Variants in SFI1 observed in about 807,000 individuals in gnomAD.
SFI1 encodes SFI1 centrin binding protein.
In SFI1, 195 loss-of-function variants were observed where a neutral mutation model predicts 207.5. That is an observed-to-expected ratio of 0.94 (90% CI 0.84 to 1.06). The LOEUF is 1.06. Among genes scored for constraint, SFI1 ranks in the 50% least tolerant of loss-of-function variants. SFI1 has a pLI of 0.00. For missense variants in SFI1, 1,634 were observed against 1,588.0 expected (o/e 1.03, Z -0.49); for synonymous variants, 630 against 598.9 (o/e 1.05, Z -0.76).
At chr22:31,615,393 C>T in intron 29 of SFI1, 114 bp downstream of exon 29, 1 of 994,820 alleles carries the variant, frequency 1.0e-6, no homozygotes, top group Non-Finnish European at 1.4e-6. Flanking sequence ...ACAGGGAGGC[C>T]ACTCATCCAT....
At chr22:31,570,575 C>A (rs541173797) in intron 8 of SFI1, among the ~76,000 whole-genome samples, 1 of 152,084 alleles carries the variant, frequency 6.6e-6, no homozygotes, top group Non-Finnish European at 1.5e-5. Flanking sequence ...TTGGGAAATT[C>A]AGGAGTTCTT....
intron 24 of SFI1, chr22:31,612,410 T>A (rs1203585555): frequency 1.5e-4 from 19 of 127,082 alleles, no homozygotes; most frequent in African/African-American, 1.8e-4. Flanking sequence ...TATATATATA[T>A]ATATATATAT....
chr22:31,581,967 TAAGAA>T (rs1334904880), intron 12 of SFI1, among the ~76,000 whole-genome samples: 1 of 151,686 alleles, frequency 6.6e-6, no homozygotes, highest in Non-Finnish European at 1.5e-5. Flanking sequence ...TTATCATCCC[TAAGAA>T]AAGTAACAGT....
rs2065135339 is a variant in SFI1, at chr22:31,587,230, GTATTGGGTATTAT to G, written c.1413+2097_1413+2109del. On this transcript the variant is annotated intron_variant, in intron 14 of 32. Coordinates refer to ENST00000400288, the MANE Select transcript of SFI1 (RefSeq NM_001007467.3). ...CAACTATGTACATAGCATTGACATT[GTATTGGGTATTAT>G]GAGTAATCTAGAGATGCATACAGGA... The G allele has an allele frequency of 2.2e-5, 5 of 228,246 alleles. No homozygotes were observed. The South Asian group carries it at 2.7e-4, about 12-fold the overall frequency. 14.1% of individuals were successfully genotyped at this position (228,246 alleles called of 1,614,324 possible).
chr22:31,602,136 A>T, intron 15 of SFI1, 76 bp from the exon 16 acceptor site: 1 of 1,269,990 alleles, frequency 7.9e-7, no homozygotes, highest in African/African-American at 1.5e-5. Flanking sequence ...AAATCCAATT[A>T]TTTGGAACTT....
intron 2 of SFI1, 96 bp from the exon 3 acceptor site, chr22:31,528,594 C>T: frequency 9.0e-7 from 1 of 1,106,382 alleles, no homozygotes; most frequent in Non-Finnish European, 1.3e-6. Context: ...TCTCAATGAG[C>T]TTATCTGTTT....
chr22:31,613,079 C>T, intron 24 of SFI1, 63 bp from the exon 25 acceptor site: 1 of 1,558,642 alleles, frequency 6.4e-7, no homozygotes. Context: ...GGGCAGGGCC[C>T]CGTGATCACC....
chr22:31,585,541 G>A (rs537845475), intron 14 of SFI1, among the ~76,000 whole-genome samples: 11 of 152,204 alleles, frequency 7.2e-5, no homozygotes, highest in Non-Finnish European at 1.5e-4. Context: ...AGGATGTGAG[G>A]TCAGGACCAC....
rs1189767324 is a variant in SFI1, at chr22:31,546,876, GCGATTA to G, written c.356_361del (p.Arg119_Leu120del). The G allele has an allele frequency of 6.2e-7, 1 of 1,606,900 alleles. No homozygotes were observed. On this transcript the variant is annotated inframe_deletion, in exon 5 of 33. Transcript: ENST00000400288. ...TTTGCCGTAGATTTTACTATGAGCA[GCGATTA>G]CTACGGAAGGTCTTCGAAGAATGGA...
chr22:31,593,150 C>A (rs989579091), intron 15 of SFI1, among the ~76,000 whole-genome samples: 1 of 150,616 alleles, frequency 6.6e-6, no homozygotes, highest in Non-Finnish European at 1.5e-5. Context: ...CCCCCACCTC[C>A]TTCCCGGACG....
chr22:31,524,698 A>ATT (rs59764922), intron 2 of SFI1, among the ~76,000 whole-genome samples: 43 of 137,500 alleles, frequency 3.1e-4, no homozygotes, highest in African/African-American at 1.0e-3. Context: ...TTTTAATTGG[A>ATT]TTTTTTTTTT....
At chr22:31,575,117 TGTGTGG>T in intron 9 of SFI1, 108 bp from the exon 10 acceptor site, 1 of 607,514 alleles carries the variant, frequency 1.6e-6, no homozygotes, top group South Asian at 2.2e-5. Flanking sequence ...TGTGTGTGTG[TGTGTGG>T]CCTTGAACCC....
chr22:31,497,624 GGAA>G (rs1200667742), intron 1 of SFI1, among the ~76,000 whole-genome samples: 1 of 152,114 alleles, frequency 6.6e-6, no homozygotes, highest in Admixed American at 6.6e-5. Flanking sequence ...TTCAGTGAAA[GGAA>G]GAGTTCCATG....
At chr22:31,516,383 T>C (rs1007676675) in intron 2 of SFI1, among the ~76,000 whole-genome samples, 8 of 151,116 alleles carry the variant, frequency 5.3e-5, no homozygotes, top group African/African-American at 1.9e-4. Context: ...TATTGTGGTG[T>C]GTGCCTGTAG....
In SFI1 at chr22:31,575,282, A is replaced by T; in HGVS notation, c.974A>T (p.Asp325Val). 6.2e-7 allele frequency: 1 copy of T among 1,613,002 alleles called. No individual in the cohort carries two copies. Among genetic ancestry groups the T allele is most frequent in the Non-Finnish European group, 8.5e-7 (1 of 1,179,610 alleles). ...ACTGTGCTCCAGATATACTTCTGTG[A>T]CTGGCAGCAGGCCTGGGAGCGGAGG... is the stretch of plus-strand genomic sequence containing the variant. ...HVTVLQIYFC[D>V]WQQAWERRES... is the part of the protein sequence containing the mutation. Residue 325 changes from aspartate to valine, a missense_variant, in exon 10 of 33, where the codon GAC becomes GTC. Asp to Val is a radical substitution (Grantham distance 152). Transcript: ENST00000400288.
chr22:31,572,389 A>AT (rs2063042315), intron 8 of SFI1, among the ~76,000 whole-genome samples: 1 of 152,186 alleles, frequency 6.6e-6, no homozygotes, highest in Non-Finnish European at 1.5e-5. Context: ...TCTGCCTGAA[A>AT]AAGGACTACT....
intron 15 of SFI1, among the ~76,000 whole-genome samples, chr22:31,597,445 T>C (rs1199336196): frequency 6.6e-6 from 1 of 152,174 alleles, no homozygotes; most frequent in Non-Finnish European, 1.5e-5. Flanking sequence ...AGAGTCTGGC[T>C]TAGAAGCTGG....
intron 4 of SFI1, among the ~76,000 whole-genome samples, chr22:31,531,683 C>T (rs1378650034): frequency 1.3e-5 from 2 of 151,966 alleles, no homozygotes; most frequent in African/African-American, 4.8e-5. Flanking sequence ...CACCTGACAT[C>T]GGGAGTTTGA....
chr22:31,564,096 G>A (rs2062005500), intron 8 of SFI1, among the ~76,000 whole-genome samples: 1 of 151,908 alleles, frequency 6.6e-6, no homozygotes, highest in African/African-American at 2.4e-5. Flanking sequence ...GGGAGGCTGA[G>A]GTGGGCGGAT....
Sources: allele counts gnomAD v4.1 joint callset (sites outside exome capture counted in the v4.1 genomes callset), GRCh38; gene constraint gnomAD v4.1.1; transcripts MANE v1.5; gene names NCBI Gene and HGNC (gene_info 2026-07-23, HGNC 2026-07-21).